Variants in OPCML observed in about 807,000 individuals in gnomAD.
The protein encoded by OPCML is opioid-binding protein/cell adhesion molecule.
In OPCML, 13 loss-of-function variants were observed where a neutral mutation model predicts 37.8. The ratio of observed to expected loss-of-function variants is 0.34; its 90% CI spans 0.22 to 0.55. OPCML has a LOEUF of 0.55. OPCML is among the 20% of genes least tolerant of loss of function. The pLI is 0.91. For synonymous variants in OPCML, 176 were observed against 168.8 expected, an observed-to-expected ratio of 1.04 and a Z score of -0.33; for missense variants, 341 against 435.6, an observed-to-expected ratio of 0.78 and a Z score of 1.93.
At chr11:133,050,073 G>T (rs1335504119) in intron 1 of OPCML, among the ~76,000 whole-genome samples, 1 of 152,292 alleles carries the variant, frequency 6.6e-6, no homozygotes, top group Non-Finnish European at 1.5e-5. Context: ...AATGAGCTTA[G>T]CCCTTCCCTG....
intron 1 of OPCML, among the ~76,000 whole-genome samples, chr11:133,092,326 G>A (rs7122481): frequency 0.11 from 16,800 of 152,172 alleles, 1,393 homozygotes; most frequent in African/African-American, 0.23. Flanking sequence ...CAAGGCAACT[G>A]ATGAAAAGAG....
intron 1 of OPCML, among the ~76,000 whole-genome samples, chr11:133,197,081 T>C (rs915751926): frequency 6.6e-6 from 1 of 152,206 alleles, no homozygotes; most frequent in Non-Finnish European, 1.5e-5. Flanking sequence ...CTTAGTTAAA[T>C]TAAGTTTCTC....
At chr11:132,746,322 C>T (rs1400082009) in intron 2 of OPCML, among the ~76,000 whole-genome samples, 1 of 151,918 alleles carries the variant, frequency 6.6e-6, no homozygotes, top group African/African-American at 2.4e-5. Flanking sequence ...TTTGTTTTAA[C>T]AAAAAGAAGG....
At chr11:132,597,636 T>G (rs1047635459) in intron 3 of OPCML, among the ~76,000 whole-genome samples, 6 of 152,180 alleles carry the variant, frequency 3.9e-5, no homozygotes, top group African/African-American at 1.4e-4. Flanking sequence ...GAGGTTTGCA[T>G]AGAACACATG....
chr11:133,071,717 T>G (rs1948539620), intron 1 of OPCML, among the ~76,000 whole-genome samples: 1 of 152,114 alleles, frequency 6.6e-6, no homozygotes, highest in Non-Finnish European at 1.5e-5. Flanking sequence ...ATGGAGAGAG[T>G]TTTAGGCCCT....
chr11:132,777,408 T>C (rs1946842749), intron 2 of OPCML, among the ~76,000 whole-genome samples: 1 of 152,056 alleles, frequency 6.6e-6, no homozygotes, highest in African/African-American at 2.4e-5. Context: ...GTAAGGAGGG[T>C]GAAATAAAGC....
intron 1 of OPCML, among the ~76,000 whole-genome samples, chr11:133,052,217 C>T (rs753093173): frequency 2.2e-4 from 33 of 152,086 alleles, no homozygotes; most frequent in Middle Eastern, 6.8e-3. Flanking sequence ...ATAGTTAGGA[C>T]GAATAATGAT....
At chr11:133,242,474 G>C (rs1410915466) in intron 1 of OPCML, among the ~76,000 whole-genome samples, 1 of 152,080 alleles carries the variant, frequency 6.6e-6, no homozygotes, top group Admixed American at 6.5e-5. Context: ...GGTATCCATG[G>C]GGACAGGTTC....
chr11:133,186,988 G>T (rs1026687223), intron 1 of OPCML, among the ~76,000 whole-genome samples: 3 of 152,158 alleles, frequency 2.0e-5, no homozygotes, highest in African/African-American at 7.2e-5. Context: ...GGTGGTGGTG[G>T]TGTGTGTAGA....
chr11:133,064,525 G>A (rs946533201), intron 1 of OPCML, among the ~76,000 whole-genome samples: 4 of 152,174 alleles, frequency 2.6e-5, no homozygotes, highest in African/African-American at 7.2e-5. Flanking sequence ...CGTCCTCAGG[G>A]GCCGCTGCAG....
chr11:132,938,299 T>C (rs1945461738), intron 2 of OPCML, among the ~76,000 whole-genome samples: 1 of 151,946 alleles, frequency 6.6e-6, no homozygotes, highest in Non-Finnish European at 1.5e-5. Flanking sequence ...TAACAGGTCC[T>C]AGTGTGGATC....
At chr11:132,550,478 C>G (rs2096379006) in intron 3 of OPCML, among the ~76,000 whole-genome samples, 1 of 152,152 alleles carries the variant, frequency 6.6e-6, no homozygotes, top group Non-Finnish European at 1.5e-5. Context: ...TTTGCCTTCC[C>G]CCATGAGTAA....
At chr11:132,834,021 C>G (rs10791253) in intron 2 of OPCML, among the ~76,000 whole-genome samples, 31,075 of 152,144 alleles carry the variant, frequency 0.2, 4,082 homozygotes, top group Non-Finnish European at 0.31. Flanking sequence ...TTCTTATAGA[C>G]AATTTTTGAG....
At chr11:132,711,929 T>C (rs887364381) in intron 2 of OPCML, among the ~76,000 whole-genome samples, 5 of 152,210 alleles carry the variant, frequency 3.3e-5, no homozygotes, top group African/African-American at 1.2e-4. Context: ...GGAGCAAATA[T>C]TCAACTAAAT....
At chr11:133,062,643 G>A (rs1485056824) in intron 1 of OPCML, among the ~76,000 whole-genome samples, 1 of 152,184 alleles carries the variant, frequency 6.6e-6, no homozygotes, top group Non-Finnish European at 1.5e-5. Flanking sequence ...CCTGCTTGTA[G>A]ATTTAATGCG....
intron 1 of OPCML, among the ~76,000 whole-genome samples, chr11:133,161,254 G>A (rs939410773): frequency 6.6e-6 from 1 of 152,204 alleles, no homozygotes; most frequent in Non-Finnish European, 1.5e-5. Context: ...ATAACAACAT[G>A]TTGTAAAACA....
At chr11:133,520,240 C>A (rs370228467) in intron 1 of OPCML, among the ~76,000 whole-genome samples, 1 of 152,026 alleles carries the variant, frequency 6.6e-6, no homozygotes, top group African/African-American at 2.4e-5. Context: ...GTGCAGTGTG[C>A]GTGGGAGGTT....
chr11:133,351,774 C>T (rs534560786), intron 1 of OPCML, among the ~76,000 whole-genome samples: 1 of 152,266 alleles, frequency 6.6e-6, no homozygotes, highest in East Asian at 1.9e-4. Flanking sequence ...TTCACACACA[C>T]ACACACACGT....
At chr11:132,475,410 T>C (rs1001258121) in intron 4 of OPCML, among the ~76,000 whole-genome samples, 2 of 152,182 alleles carry the variant, frequency 1.3e-5, no homozygotes, top group African/African-American at 4.8e-5. Flanking sequence ...CCACCCCCAT[T>C]CTAACCTCCA....
Sources: allele counts gnomAD v4.1 joint callset (sites outside exome capture counted in the v4.1 genomes callset), GRCh38; gene constraint gnomAD v4.1.1; transcripts MANE v1.5; gene names NCBI Gene and HGNC (gene_info 2026-07-23, HGNC 2026-07-21).